The following PCDHA5 variants were observed in gnomAD, a reference collection of about 807,000 sequenced individuals.
PCDHA5 encodes protocadherin alpha 5.
Under a neutral mutation model 61.6 loss-of-function variants are expected in PCDHA5, and 43 were observed. The observed-to-expected ratio is 0.70, with a 90% CI of 0.55 to 0.90. The LOEUF (loss-of-function observed/expected upper bound fraction) is 0.90, where lower values mean the gene tolerates loss of function less well. Ranked by LOEUF, PCDHA5 falls within the 40% of genes least tolerant of loss-of-function variation. PCDHA5 has a pLI of 0.00. For missense variants in PCDHA5, 1,298 were observed against 1,222.7 expected (o/e 1.06, Z -0.92); for synonymous variants, 627 against 543.9 (o/e 1.15, Z -2.13).
At chr5:140,881,143 A>G (rs1554171794) in intron 1 of PCDHA5, among the ~76,000 whole-genome samples, 1 of 152,228 alleles carries the variant, frequency 6.6e-6, no homozygotes, top group Non-Finnish European at 1.5e-5. Flanking sequence ...AGTTATAACA[A>G]TAGATAAAAG....
Position 140,877,703 on chromosome 5 carries a change from C to T in PCDHA5, c.2352+53576C>T, listed in dbSNP as rs781946062. On this transcript the variant is annotated intron_variant, in intron 1 of 3. Coordinates refer to ENST00000529859, the MANE Select transcript of PCDHA5 (RefSeq NM_018908.3). ...AAGCCCACGCTGGTGTGCTCCAGCG[C>T]CGTGGGGAGTTGGTCTTACTCGCAG... 4 of 1,613,986 alleles carry T rather than the reference C, an allele frequency of 2.5e-6. No individual in the cohort carries two copies. In the East Asian group the frequency reaches 8.9e-5, roughly 36 times the overall value.
chr5:140,877,074 G>A (rs1554169286), intron 1 of PCDHA5: 1 of 1,613,132 alleles, frequency 6.2e-7, no homozygotes, highest in Non-Finnish European at 8.5e-7. Flanking sequence ...TGCAGTTCCA[G>A]GTGAGCGCGC....
chr5:140,828,685 A>T, intron 1 of PCDHA5: 2 of 1,614,252 alleles, frequency 1.2e-6, no homozygotes, highest in Non-Finnish European at 1.7e-6. Context: ...TATTAAAGAA[A>T]TCCTTGGACA....
chr5:140,828,987 C>T (rs2150161632), intron 1 of PCDHA5: 5 of 1,613,856 alleles, frequency 3.1e-6, no homozygotes, highest in Admixed American at 3.3e-5. Flanking sequence ...GATCGAAATA[C>T]GGGAGAAATA....
At chr5:140,882,050 T>TA (rs1260382802) in intron 1 of PCDHA5, 7 of 756,632 alleles carry the variant, frequency 9.3e-6, no homozygotes, top group African/African-American at 3.5e-5. Context: ...GAGTCATACT[T>TA]ACACTTACAC....
At chr5:140,851,486 C>T in intron 1 of PCDHA5, 1 of 886,580 alleles carries the variant, frequency 1.1e-6, no homozygotes, top group Non-Finnish European at 1.4e-6. Flanking sequence ...ATAAACACAG[C>T]CTTCATTTCA....
intron 1 of PCDHA5, among the ~76,000 whole-genome samples, chr5:140,898,648 G>T (rs1436511217): frequency 8.5e-5 from 13 of 152,136 alleles, no homozygotes; most frequent in African/African-American, 3.1e-4. Context: ...TGTTCTTTTG[G>T]CTTAGGATTG....
Position 140,823,614 on chromosome 5 carries a change from G to A in PCDHA5, c.1839G>A (p.Ala613=), listed in dbSNP as rs2150127435. 5.0e-6 allele frequency: 8 copies of A among 1,614,046 alleles called. No individual in the cohort carries two copies. The Admixed American group carries it at 1.3e-4, about 27-fold the overall frequency. ...NAWLSYELQP[A]PGSARIPFRV... The stretch of plus-strand genomic sequence containing the variant: ...GGCTTTCGTATGAGCTGCAGCCAGC[G>A]CCTGGCAGTGCGCGCATCCCGTTCC... Residue 613 remains alanine (A), a synonymous_variant, in exon 1 of 4, where the codon GCG becomes GCA. Transcript: ENST00000529859.
Position 140,856,421 on chromosome 5 carries a change from A to T in PCDHA5, c.2352+32294A>T, listed in dbSNP as rs1554148675. 3.8e-6 allele frequency: 6 copies of T among 1,598,490 alleles called. No individual in the cohort carries two copies. In the South Asian group the frequency reaches 6.6e-5, roughly 18 times the overall value. On this transcript the variant is annotated intron_variant, in intron 1 of 3. Coordinates refer to ENST00000529859, the MANE Select transcript of PCDHA5 (RefSeq NM_018908.3). ...CCATGTGGACGTGGAAGTGAAGGACATTAACGACAACCCGCCCAGGTTCTC... is the reference window on the plus strand; with the variant it reads ...CCATGTGGACGTGGAAGTGAAGGACTTTAACGACAACCCGCCCAGGTTCTC...
chr5:140,976,689 T>TTTGCA (rs1280133734), intron 1 of PCDHA5, among the ~76,000 whole-genome samples: 2 of 152,232 alleles, frequency 1.3e-5, no homozygotes, highest in East Asian at 3.8e-4. Context: ...GCAATTTAAG[T>TTTGCA]ACAATAATGT....
intron 1 of PCDHA5, chr5:140,854,421 A>T (rs1331549600): frequency 1.3e-5 from 2 of 151,624 alleles, no homozygotes; most frequent in Admixed American, 1.3e-4. Flanking sequence ...TAATCTCTAA[A>T]ATCAGAATTT....
chr5:140,829,635 G>A, intron 1 of PCDHA5: 1 of 1,612,310 alleles, frequency 6.2e-7, no homozygotes, highest in Non-Finnish European at 8.5e-7. Flanking sequence ...GCGGAGAGCG[G>A]CAAGGTGTAC....
intron 1 of PCDHA5, chr5:140,849,428 A>G: frequency 6.3e-7 from 1 of 1,578,702 alleles, no homozygotes; most frequent in Non-Finnish European, 8.6e-7. Context: ...TGGATTTTGA[A>G]GAAAGTAGAG....
At chr5:140,828,934 T>G in intron 1 of PCDHA5, 1 of 1,614,266 alleles carries the variant, frequency 6.2e-7, no homozygotes, top group Non-Finnish European at 8.5e-7. Context: ...CATATTCTTT[T>G]AATAGCCTTG....
chr5:140,982,267 A>T, intron 2 of PCDHA5: 4 of 883,458 alleles, frequency 4.5e-6, no homozygotes, highest in Non-Finnish European at 6.5e-6. Context: ...GTGTTCCTGG[A>T]ATAGTATAGC....
chr5:140,829,850 G>A lies in PCDHA5; in HGVS notation c.2352+5723G>A, dbSNP rs2150176135. 3.1e-5 allele frequency: 50 copies of A among 1,613,836 alleles called. No homozygotes were observed. Among genetic ancestry groups the A allele is most frequent in the Non-Finnish European group, 4.2e-5 (50 of 1,179,896 alleles). The stretch of plus-strand genomic sequence containing the variant: ...CGAGCTGGTGCCGCGGTCACTGGGT[G>A]CAGGCCAAGTGGTGGCGAAGGTGCG... On this transcript the variant is annotated intron_variant, in intron 1 of 3. Transcript: ENST00000529859.
chr5:140,821,837 C>T lies in PCDHA5; in HGVS notation c.62C>T (p.Ala21Val), dbSNP rs1554128249. The T allele has an allele frequency of 1.9e-6, 3 of 1,614,154 alleles. No homozygotes were observed. Among genetic ancestry groups the T allele is most frequent in the Non-Finnish European group, 2.5e-6 (3 of 1,180,010 alleles). Residue 21 changes from alanine (A) to valine (V), a missense_variant, in exon 1 of 4, where the codon GCC becomes GTC. Ala to Val is a moderately conservative substitution (Grantham distance 64). Coordinates refer to ENST00000529859, the MANE Select transcript of PCDHA5 (RefSeq NM_018908.3). Reference protein sequence around the residue: ...SRLLLLWLLLAYWKAGSGQLH... With the variant: ...SRLLLLWLLLVYWKAGSGQLH... ...CTCCTGCTGCTCTGGCTTCTCCTTG[C>T]CTACTGGAAGGCAGGGAGCGGCCAG...
At chr5:140,856,026 T>C in intron 1 of PCDHA5, 1 of 1,559,058 alleles carries the variant, frequency 6.4e-7, no homozygotes, top group Non-Finnish European at 8.7e-7. Context: ...ATTCGTCGAT[T>C]TGTAAAACAA....
chr5:140,883,806 A>T (rs1554180079), intron 1 of PCDHA5: 1 of 1,612,344 alleles, frequency 6.2e-7, no homozygotes, highest in East Asian at 2.2e-5. Flanking sequence ...GTGCACGCGG[A>T]GAGCGGCAAG....
Sources: allele counts gnomAD v4.1 joint callset (sites outside exome capture counted in the v4.1 genomes callset), GRCh38; gene constraint gnomAD v4.1.1; transcripts MANE v1.5; gene names NCBI Gene and HGNC (gene_info 2026-07-23, HGNC 2026-07-21).